The following COG6 variants were observed in gnomAD, a reference collection of about 807,000 sequenced individuals.
COG6 encodes the protein conserved oligomeric Golgi complex subunit 6.
Under a neutral mutation model 88.8 loss-of-function variants are expected in COG6, and 74 were observed. That is an observed-to-expected ratio of 0.83 (90% CI 0.69 to 1.01). The LOEUF is 1.01. Ranked by LOEUF, COG6 falls within the 50% of genes least tolerant of loss-of-function variation. The pLI is 0.00. For synonymous variants in COG6, 286 were observed against 278.7 expected, an observed-to-expected ratio of 1.03 and a Z score of -0.26; for missense variants, 800 against 797.9, an observed-to-expected ratio of 1.00 and a Z score of -0.03.
At chr13:39,791,647 A>G (rs2138199693) in exon 19 of COG6, 1 of 152,166 alleles carries the variant, frequency 6.6e-6, no homozygotes, top group South Asian at 2.1e-4. Flanking sequence ...CATTTTAAAT[A>G]TATGGTTAAT....
At chr13:39,738,863 G>A (rs1378598641) in intron 18 of COG6, among the ~76,000 whole-genome samples, 1 of 152,040 alleles carries the variant, frequency 6.6e-6, no homozygotes, top group Non-Finnish European at 1.5e-5. Flanking sequence ...GCATTTAATA[G>A]CAGAGCTGCA....
chr13:39,658,146 CTTT>C (rs1235361524), intron 1 of COG6, among the ~76,000 whole-genome samples: 1 of 132,424 alleles, frequency 7.6e-6, no homozygotes, highest in Non-Finnish European at 1.6e-5. Context: ...TTTGGAATAT[CTTT>C]TTTTTTTTTT....
chr13:39,667,645 A>G (rs568468298), intron 4 of COG6, among the ~76,000 whole-genome samples: 21 of 152,350 alleles, frequency 1.4e-4, no homozygotes, highest in Admixed American at 1.2e-3. Flanking sequence ...GTGTATATAT[A>G]GACAACTTAC....
chr13:39,717,405 T>A (rs1353236961), intron 13 of COG6, among the ~76,000 whole-genome samples: 5 of 152,160 alleles, frequency 3.3e-5, no homozygotes, highest in African/African-American at 1.2e-4. Flanking sequence ...CTGCCTTTTT[T>A]TCTTTGTTCT....
At position 39,666,065 on chromosome 13, in the gene COG6, A is replaced by T. The variant is rs182272873; in HGVS notation, c.428+911A>T. 1.4e-3 allele frequency among the ~76,000 whole-genome samples: 206 copies of T among 152,294 alleles called. 1 individual carries two copies. Among genetic ancestry groups the T allele is most frequent in the Admixed American group, 2.5e-3 (39 of 15,298 alleles). On this transcript the variant is annotated intron_variant, in intron 4 of 18. Coordinates refer to ENST00000455146, the MANE Select transcript of COG6 (RefSeq NM_020751.3). ...GACCATATGTGGCCTACAAAGCCTAAAATATGTACTATCAAGATTTTTACA... is the reference window on the plus strand; with the variant it reads ...GACCATATGTGGCCTACAAAGCCTATAATATGTACTATCAAGATTTTTACA...
chr13:39,767,404 A>G (rs1226691959), intron 18 of COG6, among the ~76,000 whole-genome samples: 6 of 139,416 alleles, frequency 4.3e-5, no homozygotes, highest in African/African-American at 1.5e-4. Flanking sequence ...ATTGTCAGAA[A>G]TTACGGATTT....
chr13:39,787,078 T>C (rs571956102), intron 18 of COG6, among the ~76,000 whole-genome samples: 16 of 152,254 alleles, frequency 1.1e-4, no homozygotes, highest in African/African-American at 3.6e-4. Context: ...CCATTTTTTT[T>C]CTCAAAGGTA....
chr13:39,790,319 T>C (rs1285545428), exon 19 of COG6: 1 of 152,098 alleles, frequency 6.6e-6, no homozygotes, highest in Non-Finnish European at 1.5e-5. Context: ...AAGGTAAAAA[T>C]TGTGTAAGGC....
Position 39,687,568 on chromosome 13 carries a change from T to A in COG6, c.854T>A (p.Leu285His). ...GTTGTTCGTGGATTTATTGATGCGC[T>A]CACAAGAGGGGGCCCCGGAGGTACA... ...STVVRGFIDA[L>H]TRGGPGGTPR... The change falls in exon 9 of 19, where the codon CTC (leucine) becomes CAC (histidine). Residue 285 changes from leucine to histidine, a missense_variant. Leu to His is a moderately conservative substitution (Grantham distance 99). Coordinates refer to ENST00000455146, the MANE Select transcript of COG6 (RefSeq NM_020751.3). The A allele has an allele frequency of 6.2e-7, 1 of 1,613,542 alleles. No individual in the cohort carries two copies. The highest frequency in any genetic ancestry group is 8.5e-7 in the Non-Finnish European group (1 of 1,179,856).
rs1304407512 is a variant in COG6 at position 39,660,719 on chromosome 13, A to T, written c.298-91A>T. 9.1e-6 allele frequency: 8 copies of T among 877,130 alleles called. No individual in the cohort carries two copies. The East Asian group carries it at 2.0e-4, about 22-fold the overall frequency. 54.3% of individuals were successfully genotyped at this position (877,130 alleles called of 1,614,324 possible). On this transcript the variant is annotated intron_variant, in intron 2 of 18. Coordinates refer to ENST00000455146, the MANE Select transcript of COG6 (RefSeq NM_020751.3). ...CATGCCTTGACCAAAAAAATAAAAAATTATGTAACTAAAATAAGGATTTAG... is the reference window on the plus strand; with the variant it reads ...CATGCCTTGACCAAAAAAATAAAAATTTATGTAACTAAAATAAGGATTTAG...
chr13:39,724,372 G>A, intron 16 of COG6, 136 bp from the exon 17 acceptor site: 1 of 662,648 alleles, frequency 1.5e-6, no homozygotes, highest in Admixed American at 2.7e-5. Context: ...AATTACACTT[G>A]AGTTCTTTGG....
intron 13 of COG6, among the ~76,000 whole-genome samples, chr13:39,705,587 C>T (rs989612983): frequency 2.0e-5 from 3 of 152,010 alleles, no homozygotes; most frequent in Admixed American, 1.3e-4. Flanking sequence ...AGGATATAGC[C>T]TGTCTTAAAT....
chr13:39,658,297 C>T (rs533474955), intron 1 of COG6, among the ~76,000 whole-genome samples: 114 of 151,748 alleles, frequency 7.5e-4, no homozygotes, highest in Admixed American at 1.9e-3. Flanking sequence ...GCACATGCCA[C>T]CATACCTGGC....
intron 18 of COG6, among the ~76,000 whole-genome samples, chr13:39,747,938 C>A (rs560308922): frequency 3.3e-5 from 5 of 152,078 alleles, no homozygotes; most frequent in Non-Finnish European, 7.4e-5. Context: ...AAATCATATT[C>A]AATATTTATA....
Position 39,750,325 on chromosome 13 carries a change from C to G in COG6, c.1827-621C>G, listed in dbSNP as rs532805501. On this transcript the variant is annotated intron_variant, in intron 18 of 18. Coordinates refer to ENST00000455146, the MANE Select transcript of COG6 (RefSeq NM_020751.3). The stretch of plus-strand genomic sequence containing the variant: ...ATTTAATGAACCAATACTGTTTTTT[C>G]TAGCTGGATAATTTTGTAAACATTT... 2.0e-5 allele frequency among the ~76,000 whole-genome samples: 3 copies of G among 152,148 alleles called. No individual in the cohort carries two copies. In the South Asian group the frequency reaches 6.2e-4, roughly 32 times the overall value.
chr13:39,729,675 T>A (rs1243831086), intron 18 of COG6, among the ~76,000 whole-genome samples: 1 of 152,168 alleles, frequency 6.6e-6, no homozygotes, highest in Non-Finnish European at 1.5e-5. Flanking sequence ...AACGAGAACT[T>A]CTGTCTATCA....
intron 13 of COG6, among the ~76,000 whole-genome samples, chr13:39,700,453 A>G (rs1269054217): frequency 6.6e-6 from 1 of 151,900 alleles, no homozygotes; most frequent in Non-Finnish European, 1.5e-5. Flanking sequence ...TCATTTGGAA[A>G]AGCAACATGA....
chr13:39,781,325 T>C (rs1034587089), intron 18 of COG6, among the ~76,000 whole-genome samples: 30 of 152,134 alleles, frequency 2.0e-4, no homozygotes, highest in Non-Finnish European at 4.4e-4. Flanking sequence ...CACTGGAACA[T>C]GCAAAATCAG....
At chr13:39,704,710 T>TTA (rs1877785983) in intron 13 of COG6, among the ~76,000 whole-genome samples, 4 of 152,170 alleles carry the variant, frequency 2.6e-5, no homozygotes, top group African/African-American at 9.6e-5. Flanking sequence ...ATTAAAACTT[T>TTA]GAACAGAATA....
Sources: allele counts gnomAD v4.1 joint callset (sites outside exome capture counted in the v4.1 genomes callset), GRCh38; gene constraint gnomAD v4.1.1; transcripts MANE v1.5; gene names NCBI Gene and HGNC (gene_info 2026-07-23, HGNC 2026-07-21).